The following SLC24A3 variants were observed in gnomAD, a reference collection of about 807,000 sequenced individuals.
SLC24A3 encodes the protein sodium/potassium/calcium exchanger 3.
Under a neutral mutation model 75.8 loss-of-function variants are expected in SLC24A3, and 28 were observed. The ratio of observed to expected loss-of-function variants is 0.37; its 90% CI spans 0.27 to 0.51. The LOEUF is 0.51. Among genes scored for constraint, SLC24A3 ranks in the 20% least tolerant of loss-of-function variants. The pLI is 0.94. For missense variants in SLC24A3, 663 were observed against 847.8 expected (o/e 0.78, Z 2.71); for synonymous variants, 372 against 334.1 (o/e 1.11, Z -1.24).
chr20:19,302,125 G>T (rs1984210147), intron 2 of SLC24A3, among the ~76,000 whole-genome samples: 1 of 152,178 alleles, frequency 6.6e-6, no homozygotes, highest in South Asian at 2.1e-4. Flanking sequence ...CTACACCTAA[G>T]TGCTCCTTCT....
intron 7 of SLC24A3, among the ~76,000 whole-genome samples, chr20:19,659,634 A>G (rs1292105968): frequency 6.6e-6 from 1 of 152,250 alleles, no homozygotes; most frequent in Non-Finnish European, 1.5e-5. Flanking sequence ...GTCCCACGTT[A>G]GAGATGGCAT....
chr20:19,262,146 G>A (rs1983009398), intron 1 of SLC24A3, among the ~76,000 whole-genome samples: 1 of 152,174 alleles, frequency 6.6e-6, no homozygotes, highest in African/African-American at 2.4e-5. Flanking sequence ...GCTCACGCCT[G>A]TAATCCCAGC....
chr20:19,290,624 T>A (rs1000605275), intron 2 of SLC24A3, among the ~76,000 whole-genome samples: 2 of 152,082 alleles, frequency 1.3e-5, no homozygotes, highest in Non-Finnish European at 2.9e-5. Context: ...CTGTGAGAAA[T>A]AAATTTCTGT....
intron 1 of SLC24A3, among the ~76,000 whole-genome samples, chr20:19,249,999 A>G (rs1396615332): frequency 2.0e-5 from 3 of 152,180 alleles, no homozygotes; most frequent in African/African-American, 7.2e-5. Context: ...CTGAAAGGCC[A>G]TCTTTCCTAT....
At chr20:19,227,394 C>CTT (rs57215059) in intron 1 of SLC24A3, among the ~76,000 whole-genome samples, 2 of 144,610 alleles carry the variant, frequency 1.4e-5, no homozygotes, top group Non-Finnish European at 3.0e-5. Flanking sequence ...CTTGTTCATT[C>CTT]TTTTTTTTTT....
At chr20:19,328,863 A>G (rs1447011090) in intron 2 of SLC24A3, among the ~76,000 whole-genome samples, 1 of 152,224 alleles carries the variant, frequency 6.6e-6, no homozygotes, top group Non-Finnish European at 1.5e-5. Context: ...TCCCCACAGG[A>G]GCAAGCGTAA....
chr20:19,584,874 C>A, intron 4 of SLC24A3, 97 bp from the exon 5 acceptor site: 2 of 1,107,136 alleles, frequency 1.8e-6, no homozygotes, highest in Non-Finnish European at 2.6e-6. Flanking sequence ...AAGCCCCAGT[C>A]TTTGCTTCTC....
intron 2 of SLC24A3, among the ~76,000 whole-genome samples, chr20:19,380,228 A>G (rs1170843334): frequency 2.6e-5 from 4 of 152,194 alleles, no homozygotes; most frequent in Admixed American, 2.6e-4. Flanking sequence ...CGTATTGACC[A>G]GGTGAAGGTT....
intron 2 of SLC24A3, among the ~76,000 whole-genome samples, chr20:19,357,834 A>T (rs190426599): frequency 6.6e-6 from 1 of 152,382 alleles, no homozygotes; most frequent in East Asian, 1.9e-4. Context: ...CAGATATCCC[A>T]GGGAACCTGC....
intron 2 of SLC24A3, among the ~76,000 whole-genome samples, chr20:19,281,341 G>A (rs1983658945): frequency 6.6e-6 from 1 of 152,216 alleles, no homozygotes; most frequent in Non-Finnish European, 1.5e-5. Flanking sequence ...ACTGAGATCA[G>A]ATGTGGAGGC....
At chr20:19,676,178 A>C (rs919112289) in intron 9 of SLC24A3, among the ~76,000 whole-genome samples, 5 of 152,254 alleles carry the variant, frequency 3.3e-5, no homozygotes, top group African/African-American at 1.2e-4. Context: ...TTTTGCTGGC[A>C]TGCATCTTAT....
intron 6 of SLC24A3, among the ~76,000 whole-genome samples, chr20:19,648,943 A>T (rs2032168764): frequency 6.6e-6 from 1 of 152,198 alleles, no homozygotes; most frequent in South Asian, 2.1e-4. Context: ...TCTGTGGAGG[A>T]GTGGATGGGC....
At chr20:19,470,767 A>G (rs1251405489) in intron 2 of SLC24A3, among the ~76,000 whole-genome samples, 1 of 152,210 alleles carries the variant, frequency 6.6e-6, no homozygotes, top group African/African-American at 2.4e-5. Flanking sequence ...TATGCATGTT[A>G]GTTCATTCCT....
intron 3 of SLC24A3, among the ~76,000 whole-genome samples, chr20:19,528,105 T>C (rs905450431): frequency 6.6e-6 from 1 of 152,162 alleles, no homozygotes; most frequent in Non-Finnish European, 1.5e-5. Flanking sequence ...ATATTCTAAA[T>C]CCTTTTTTGT....
intron 3 of SLC24A3, among the ~76,000 whole-genome samples, chr20:19,558,991 G>C (rs1007772716): frequency 6.6e-6 from 1 of 152,114 alleles, no homozygotes; most frequent in Non-Finnish European, 1.5e-5. Flanking sequence ...TTTATCTTGG[G>C]TAAATACCTG....
chr20:19,300,897 C>A (rs903465203), intron 2 of SLC24A3, among the ~76,000 whole-genome samples: 1 of 152,084 alleles, frequency 6.6e-6, no homozygotes, highest in African/African-American at 2.4e-5. Context: ...CAGCTGCTGC[C>A]TTTCTTCCTC....
At chr20:19,675,061 A>G (rs1413298622) in intron 9 of SLC24A3, among the ~76,000 whole-genome samples, 2 of 152,202 alleles carry the variant, frequency 1.3e-5, no homozygotes, top group African/African-American at 4.8e-5. Flanking sequence ...AAAAAATAAA[A>G]ATAAATAAGA....
At chr20:19,499,809 C>T (rs1403688937) in intron 2 of SLC24A3, among the ~76,000 whole-genome samples, 2 of 152,120 alleles carry the variant, frequency 1.3e-5, no homozygotes, top group African/African-American at 2.4e-5. Flanking sequence ...CATACATGTA[C>T]ACACATGGAT....
chr20:19,390,504 G>A (rs1293034364), intron 2 of SLC24A3, among the ~76,000 whole-genome samples: 1 of 152,070 alleles, frequency 6.6e-6, no homozygotes, highest in Non-Finnish European at 1.5e-5. Context: ...TGTCTGGCCT[G>A]TAGTATAGGA....
Sources: allele counts gnomAD v4.1 joint callset (sites outside exome capture counted in the v4.1 genomes callset), GRCh38; gene constraint gnomAD v4.1.1; transcripts MANE v1.5; gene names NCBI Gene and HGNC (gene_info 2026-07-23, HGNC 2026-07-21).